The following IL13RA1 variants were observed in gnomAD, a reference collection of about 807,000 sequenced individuals.
The protein encoded by IL13RA1 is interleukin-13 receptor subunit alpha-1.
Under a neutral mutation model 33.8 loss-of-function variants are expected in IL13RA1, and 14 were observed. The ratio of observed to expected loss-of-function variants is 0.41; its 90% CI spans 0.27 to 0.65. The LOEUF is 0.65. Ranked by LOEUF, IL13RA1 falls within the 30% of genes least tolerant of loss-of-function variation. IL13RA1 has a pLI of 0.28. For missense variants in IL13RA1, 313 were observed against 327.0 expected, an observed-to-expected ratio of 0.96 and a Z score of 0.33; for synonymous variants, 116 against 115.7, an observed-to-expected ratio of 1.00 and a Z score of -0.02.
At position 118,794,132 on chromosome X, in the gene IL13RA1, T is replaced by A. The variant is rs976808833; in HGVS notation, c.*2278T>A. Reference sequence around the variant, plus strand: ...ATGCAGTCTGGGAGTGGGGAAGTGATCTTTTGTTCCCATCCTCTTCTTTTA... The same window carrying A: ...ATGCAGTCTGGGAGTGGGGAAGTGAACTTTTGTTCCCATCCTCTTCTTTTA... On this transcript the variant is annotated 3_prime_UTR_variant, in exon 11 of 11. Coordinates refer to ENST00000371666, the MANE Select transcript of IL13RA1 (RefSeq NM_001560.3). 3.6e-5 allele frequency: 4 copies of A among 111,710 alleles called. No homozygotes were observed. The highest frequency in any genetic ancestry group is 2.9e-4 in the Admixed American group (3 of 10,526). 9.2% of individuals were successfully genotyped at this position (111,710 alleles called of 1,213,427 possible).
the IL13RA1 span, among the ~76,000 whole-genome samples, chrX:118,802,594 G>A: frequency 4.5e-5 from 5 of 111,849 alleles, no homozygotes; most frequent in African/African-American, 1.6e-4. Context: ...TGAAAAAAAA[G>A]GAGTAAGTGA....
chrX:118,748,361 G>GAAA (rs34048610), intron 3 of IL13RA1, among the ~76,000 whole-genome samples: 1 of 51,014 alleles, frequency 2.0e-5, no homozygotes, highest in African/African-American at 7.4e-5. Flanking sequence ...AGGAGTTAAC[G>GAAA]AAAAAAAAAA....
At chrX:118,788,087 A>G (rs2017939239) in intron 10 of IL13RA1, among the ~76,000 whole-genome samples, 1 of 112,188 alleles carries the variant, frequency 8.9e-6, no homozygotes, top group African/African-American at 3.2e-5. Flanking sequence ...ATTGCAGTAA[A>G]GAGAGGCGTA....
intron 6 of IL13RA1, chrX:118,761,552 C>A (rs1264821954): frequency 1.5e-5 from 3 of 195,235 alleles, no homozygotes; most frequent in Non-Finnish European, 2.8e-5. Context: ...TCAACACGTT[C>A]TTATTAAATA....
intron 10 of IL13RA1, among the ~76,000 whole-genome samples, chrX:118,784,456 CT>C (rs1387073708): frequency 9.1e-6 from 1 of 110,062 alleles, no homozygotes; most frequent in African/African-American, 3.4e-5. Flanking sequence ...AATTTCTGAA[CT>C]TTTGATATAA....
At chrX:118,764,329 G>A (rs1387619118) in intron 6 of IL13RA1, among the ~76,000 whole-genome samples, 2 of 109,624 alleles carry the variant, frequency 1.8e-5, no homozygotes, top group African/African-American at 3.3e-5. Flanking sequence ...GATTCGGCAA[G>A]TTTGGAATTT....
At chrX:118,748,013 G>GTT (rs1395884133) in intron 3 of IL13RA1, among the ~76,000 whole-genome samples, 1 of 101,961 alleles carries the variant, frequency 9.8e-6, no homozygotes, top group African/African-American at 3.6e-5. Context: ...TGTTGTGTGT[G>GTT]TGTGTGTGTG....
intron 4 of IL13RA1, among the ~76,000 whole-genome samples, chrX:118,751,972 C>T (rs917577277): frequency 1.5e-4 from 16 of 108,947 alleles, no homozygotes; most frequent in African/African-American, 4.7e-4. Context: ...GATTCACATC[C>T]GCACTCCTCC....
downstream of IL13RA1, among the ~76,000 whole-genome samples, chrX:118,797,395 A>G (rs2489879): frequency 0.17 from 18,707 of 111,249 alleles, 1,450 homozygotes; most frequent in East Asian, 0.43. Context: ...CCTGTGGTCT[A>G]CCCAAATCAG....
rs925321381 is a variant in IL13RA1, at chrX:118,793,424, A to G, written c.*1570A>G. ...CCTCTTTTCTCTGCCATAAATGATT[A>G]ATTAAATAGCTTTTGTGTCTTACAT... On this transcript the variant is annotated 3_prime_UTR_variant, in exon 11 of 11. Coordinates refer to ENST00000371666, the MANE Select transcript of IL13RA1 (RefSeq NM_001560.3). The G allele has an allele frequency of 4.5e-5, 5 of 112,146 alleles. No homozygotes were observed. Among genetic ancestry groups the G allele is most frequent in the African/African-American group, 1.6e-4 (5 of 30,846 alleles). The allele number at this position is 112,146 out of a possible 1,213,427, so 9.2% of individuals were successfully genotyped here.
At chrX:118,780,006 C>T (rs938767935) in intron 10 of IL13RA1, among the ~76,000 whole-genome samples, 10 of 111,546 alleles carry the variant, frequency 9.0e-5, no homozygotes, top group South Asian at 3.8e-4. Flanking sequence ...AATTTGGTGA[C>T]GCAAATATAC....
chrX:118,758,039 T>TCATTTTATCTTGTAGG lies in IL13RA1; in HGVS notation c.489-13_491dup. 4 of 1,073,803 alleles carry TCATTTTATCTTGTAGG rather than the reference T, an allele frequency of 3.7e-6. No individual in the cohort carries two copies. Among genetic ancestry groups the TCATTTTATCTTGTAGG allele is most frequent in the Non-Finnish European group, 5.1e-6 (4 of 783,034 alleles). 88.5% of individuals were successfully genotyped at this position (1,073,803 alleles called of 1,213,427 possible). ...GTTGAATATAATGCAGAAGATTGTC[T>TCATTTTATCTTGTAGG]CATTTTATCTTGTAGGCACAGAAGC... is the stretch of plus-strand genomic sequence containing the variant. On this transcript the variant is annotated splice_polypyrimidine_tract_variant and intron_variant, in intron 4 of 10. Coordinates refer to ENST00000371666, the MANE Select transcript of IL13RA1 (RefSeq NM_001560.3).
intron 10 of IL13RA1, among the ~76,000 whole-genome samples, chrX:118,786,812 G>T (rs2017923593): frequency 8.9e-6 from 1 of 111,857 alleles, no homozygotes; most frequent in African/African-American, 3.3e-5. Context: ...GATTAGTTTT[G>T]AGTTTCTGGA....
At position 118,760,175 on chromosome X, in the gene IL13RA1, C is replaced by T. The variant is rs774559791; in HGVS notation, c.677-963C>T. On this transcript the variant is annotated intron_variant, in intron 5 of 10. Coordinates refer to ENST00000371666, the MANE Select transcript of IL13RA1 (RefSeq NM_001560.3). ...TTAGAACTTTTTCATCTTGCAAAAC[C>T]GAACTCTGTTCATTAAACATTAATT... 1.2e-3 allele frequency among the ~76,000 whole-genome samples: 135 copies of T among 111,988 alleles called. 1 individual carries two copies. Among genetic ancestry groups the T allele is most frequent in the Non-Finnish European group, 1.9e-3 (100 of 53,213 alleles).
chrX:118,742,267 T>G (rs916736568), intron 2 of IL13RA1, among the ~76,000 whole-genome samples: 4 of 112,053 alleles, frequency 3.6e-5, no homozygotes, highest in Non-Finnish European at 7.5e-5. Flanking sequence ...TTAAAAGAGG[T>G]CTTCTAAATG....
At chrX:118,794,599 A>C (rs1310867333), downstream of IL13RA1, 1 of 112,210 alleles carries the variant, frequency 8.9e-6, no homozygotes, top group Non-Finnish European at 1.9e-5. Context: ...TGGAGTTAAA[A>C]GAAGAAACAT....
chrX:118,800,179 A>C, the IL13RA1 span, among the ~76,000 whole-genome samples: 6 of 111,381 alleles, frequency 5.4e-5, no homozygotes, highest in South Asian at 2.3e-3. Flanking sequence ...GTGCCCTGAC[A>C]AAACAGGCCA....
chrX:118,757,069 G>A (rs191056131), intron 4 of IL13RA1, among the ~76,000 whole-genome samples: 1 of 111,952 alleles, frequency 8.9e-6, no homozygotes, highest in African/African-American at 3.2e-5. Flanking sequence ...CAAGAAACAA[G>A]GAAGGAGCAG....
At chrX:118,784,146 TACGTATATACAC>T (rs2017889420) in intron 10 of IL13RA1, among the ~76,000 whole-genome samples, 1 of 89,077 alleles carries the variant, frequency 1.1e-5, no homozygotes, top group Non-Finnish European at 2.1e-5. Flanking sequence ...TATATATATA[TACGTATATACAC>T]ATATATACGT....
Sources: allele counts gnomAD v4.1 joint callset (sites outside exome capture counted in the v4.1 genomes callset), GRCh38; gene constraint gnomAD v4.1.1; transcripts MANE v1.5; gene names NCBI Gene and HGNC (gene_info 2026-07-23, HGNC 2026-07-21).